Variants in AHNAK2 observed in about 807,000 individuals in gnomAD.
The protein encoded by AHNAK2 is protein AHNAK2.
In AHNAK2, 18 loss-of-function variants were observed where a neutral mutation model predicts 30.7. The observed-to-expected ratio is 0.59, with a 90% CI of 0.41 to 0.87. The LOEUF is 0.87. Among genes scored for constraint, AHNAK2 ranks in the 40% least tolerant of loss-of-function variants. AHNAK2 has a pLI of 0.00. For synonymous variants in AHNAK2, 3,590 were observed against 3,073.8 expected, an observed-to-expected ratio of 1.17 and a Z score of -5.56; for missense variants, 8,604 against 7,373.0, an observed-to-expected ratio of 1.17 and a Z score of -6.11.
In AHNAK2 at chr14:104,943,327, G is replaced by C; in HGVS notation, c.12124C>G (p.Pro4042Ala). Residue 4042 changes from proline to alanine, a missense_variant, in exon 7 of 7, where the codon CCC becomes GCC. By Grantham distance (27) the Pro-to-Ala change is conservative. Transcript: ENST00000333244. ...TGCCCTTTGAGGCTGGCTCCCTCGG[G>C]CACGGGGCCCTCTGGGAGTTTCACG... The part of the protein sequence containing the change: ...VDVKLPEGPV[P>A]EGASLKGHLP... 6.2e-7 allele frequency: 1 copy of C among 1,612,832 alleles called. No homozygotes were observed. The highest frequency in any genetic ancestry group is 8.5e-7 in the Non-Finnish European group (1 of 1,179,550).
At position 104,945,159 on chromosome 14, in the gene AHNAK2, T is replaced by G; in HGVS notation, c.10292A>C (p.Asp3431Ala). 6.2e-7 allele frequency: 1 copy of G among 1,613,000 alleles called. No individual in the cohort carries two copies. The highest frequency in any genetic ancestry group is 8.5e-7 in the Non-Finnish European group (1 of 1,179,644). ...KVPKAEVTVP[D>A]VEVSLPSVEV... is the part of the protein sequence containing the mutation. ...CACGCTGGGCAGAGACACCTCCACA[T>G]CAGGGACTGTCACTTCCGCCTTGGG... The change falls in exon 7 of 7, where the codon GAT (aspartate) becomes GCT (alanine). Residue 3431 changes from aspartate to alanine, a missense_variant. Physicochemically the swap from Asp to Ala is moderately radical, Grantham distance 126 (BLOSUM62 -2). Coordinates refer to ENST00000333244, the MANE Select transcript of AHNAK2 (RefSeq NM_138420.4).
chr14:104,950,538 G>C lies in AHNAK2; in HGVS notation c.4913C>G (p.Ala1638Gly), dbSNP rs185154010. The C allele has an allele frequency of 3.2e-6, 5 of 1,585,986 alleles. No homozygotes were observed. The highest frequency in any genetic ancestry group is 3.5e-5 in the Admixed American group (2 of 57,430). Residue 1638 changes from alanine (A) to glycine (G), a missense_variant, in exon 7 of 7, where the codon GCG becomes GGG. Physicochemically the swap from Ala to Gly is moderately conservative, Grantham distance 60. Coordinates refer to ENST00000333244, the MANE Select transcript of AHNAK2 (RefSeq NM_138420.4). ...CAGGGACAGGTCCCCCTCCAGCTGC[G>C]CACCATCCAGCTTTGCTCTCGGGGC... ...VQAPRAKLDG[A>G]QLEGDLSLAD... is the part of the protein sequence containing the mutation.
rs112380948 is a variant in AHNAK2, at chr14:104,959,391, T to C, written c.56-1719A>G. 9.7e-3 allele frequency among the ~76,000 whole-genome samples: 1,470 copies of C among 152,288 alleles called. 21 individuals carry two copies. Among genetic ancestry groups the C allele is most frequent in the African/African-American group, 0.033 (1,387 of 41,562 alleles). On this transcript the variant is annotated intron_variant, in intron 1 of 6. Transcript: ENST00000333244. Reference sequence around the variant, plus strand: ...TTCACCATGTCGGCCAGGCTGGTCTTGAACTCTTGACCTCGTGATCCGCCT... The same window carrying C: ...TTCACCATGTCGGCCAGGCTGGTCTCGAACTCTTGACCTCGTGATCCGCCT...
At chr14:104,965,191 AT>A (rs1354882583) in intron 1 of AHNAK2, among the ~76,000 whole-genome samples, 3 of 152,188 alleles carry the variant, frequency 2.0e-5, no homozygotes, top group African/African-American at 7.2e-5. Flanking sequence ...TAATCCAAGT[AT>A]TTTTGTAACG....
At position 104,944,514 on chromosome 14, in the gene AHNAK2, G is replaced by A. The variant is rs372014641; in HGVS notation, c.10937C>T (p.Pro3646Leu). The change falls in exon 7 of 7, where the codon CCG (proline) becomes CTG (leucine). Residue 3646 changes from proline (P) to leucine (L), a missense_variant. Coordinates refer to ENST00000333244, the MANE Select transcript of AHNAK2 (RefSeq NM_138420.4). The stretch of plus-strand genomic sequence containing the variant: ...CCCTGGGGCCGATACCCTGAATGAC[G>A]GCATCTTGAATTTGGGCATTTTGAA... ...SKFKMPKFKM[P>L]SFRVSAPGKS... 18 of 1,612,668 alleles carry A rather than the reference G, an allele frequency of 1.1e-5. No homozygotes were observed. The highest frequency in any genetic ancestry group is 2.2e-5 in the East Asian group (1 of 44,810).
rs374238837 is a variant in AHNAK2, at chr14:104,954,297, C to T, written c.1154G>A (p.Arg385Gln). Residue 385 changes from arginine (R) to glutamine (Q), a missense_variant, in exon 7 of 7, where the codon CGA (arginine) becomes CAA (glutamine). Physicochemically the swap from Arg to Gln is conservative, Grantham distance 43. Transcript: ENST00000333244. This position sits in a 1 kb window ranked among gnomAD's most constrained non-coding sequence, Gnocchi z 4.3. ...SRREERAEQD[R>Q]EVMPAQSMPL... ...CATGCTCTGAGCAGGCATCACTTCT[C>T]GATCCTGTTCTGCCCTCTCCTCTCT... 6.8e-6 allele frequency: 11 copies of T among 1,613,408 alleles called. No individual in the cohort carries two copies. In the African/African-American group the frequency reaches 9.3e-5, roughly 14 times the overall value.
chr14:104,954,081 C>A lies in AHNAK2; in HGVS notation c.1370G>T (p.Ser457Ile), dbSNP rs1188823658. ...SREGEGEGLQ[S>I]LEIGIARLSL... Reference sequence around the variant, plus strand: ...CAGTCTGGCGATCCCGATTTCCAGGCTCTGCAGTCCCTCGCCTTCACCCTC... The same window carrying A: ...CAGTCTGGCGATCCCGATTTCCAGGATCTGCAGTCCCTCGCCTTCACCCTC... The change falls in exon 7 of 7, where the codon AGC becomes ATC. Residue 457 changes from serine to isoleucine, a missense_variant. Transcript: ENST00000333244. The surrounding 1 kb of genome is among the most constrained non-coding windows in gnomAD (Gnocchi z 4.3). 1.2e-6 allele frequency: 2 copies of A among 1,613,104 alleles called. No individual in the cohort carries two copies. The highest frequency in any genetic ancestry group is 1.7e-6 in the Non-Finnish European group (2 of 1,179,834).
At chr14:104,961,749 G>T (rs2140875513) in intron 1 of AHNAK2, among the ~76,000 whole-genome samples, 1 of 152,336 alleles carries the variant, frequency 6.6e-6, no homozygotes, top group South Asian at 2.1e-4. Context: ...GAGGCAGGAG[G>T]AACACTTGAG....
rs778074544 is a variant in AHNAK2, at chr14:104,945,488, A to T, written c.9963T>A (p.Ser3321=). 6.2e-7 allele frequency: 1 copy of T among 1,613,054 alleles called. No individual in the cohort carries two copies. Among genetic ancestry groups the T allele is most frequent in the East Asian group, 2.2e-5 (1 of 44,772 alleles). The change falls in exon 7 of 7, where the codon TCT becomes TCA. Residue 3321 remains serine, a synonymous_variant. Coordinates refer to ENST00000333244, the MANE Select transcript of AHNAK2 (RefSeq NM_138420.4). ...PKFKMPSYRA[S]APGKSIQASV... is the part of the protein sequence containing the mutation. ...AGGCCTGGATGGACTTGCCTGGGGC[A>T]GACGCCCTGTACGACGGCATCTTGA...
In AHNAK2 at chr14:104,943,788, T is replaced by G; in HGVS notation, c.11663A>C (p.Lys3888Thr). ...CATCTTGAAACTGGGCATCTGCACC[T>G]TGGGCAGGTGTCCTTTGAGGCCGGC... ...EEAGLKGHLP[K>T]VQMPSFKMPK... The change falls in exon 7 of 7, where the codon AAG becomes ACG. Residue 3888 changes from lysine to threonine, a missense_variant. Coordinates refer to ENST00000333244, the MANE Select transcript of AHNAK2 (RefSeq NM_138420.4). 1 of 1,613,050 alleles carries G rather than the reference T, an allele frequency of 6.2e-7. No homozygotes were observed. The highest frequency in any genetic ancestry group is 8.5e-7 in the Non-Finnish European group (1 of 1,179,544).
chr14:104,951,032 T>C lies in AHNAK2; in HGVS notation c.4419A>G (p.Gly1473=), dbSNP rs556741020. 1,536 of 1,061,794 alleles carry C rather than the reference T, an allele frequency of 1.4e-3. 437 individuals carry two copies. The highest frequency in any genetic ancestry group is 6.7e-3 in the African/African-American group (464 of 68,772). 65.8% of individuals were successfully genotyped at this position (1,061,794 alleles called of 1,614,324 possible). A position where few individuals can be genotyped will look rare whatever the true frequency, so the allele number is the denominator to read the frequency against. The stretch of plus-strand genomic sequence containing the variant: ...CCAGGGACATGTCCTCCTCCAGCCG[T>C]CCACCATCCAGCTTGGCTCCTGGGG... ...VEAPGAKLDG[G]RLEEDMSLAD... Residue 1473 remains glycine, a synonymous_variant, in exon 7 of 7, where the codon GGA becomes GGG. Transcript: ENST00000333244.
At position 104,948,545 on chromosome 14, in the gene AHNAK2, C is replaced by A. The variant is rs776496529; in HGVS notation, c.6906G>T (p.Gly2302=). 3.3e-5 allele frequency: 53 copies of A among 1,611,144 alleles called. 1 individual carries two copies. The highest frequency in any genetic ancestry group is 2.7e-4 in the South Asian group (25 of 90,934). The change falls in exon 7 of 7, where the codon GGG becomes GGT. Residue 2302 remains glycine (G), a synonymous_variant. Transcript: ENST00000333244. ...GAKLDGARLE[G]DMSLADKDVT... is the part of the protein sequence containing the mutation. Reference sequence around the variant, plus strand: ...CGTCCTTGTCGGCCAGGGACATGTCCCCCTCCAGCCGCGCACCATCCAGCT... The same window carrying A: ...CGTCCTTGTCGGCCAGGGACATGTCACCCTCCAGCCGCGCACCATCCAGCT...
Position 104,945,427 on chromosome 14 carries a change from C to T in AHNAK2, c.10024G>A (p.Val3342Met), listed in dbSNP as rs200337942. ...DVSAPKAEAD[V>M]SLPSMQGDLK... ...TCCCCCTGCATGGAGGGGAGGCTCA[C>T]GTCGGCCTCCGCCTTCGGCGCAGAC... The change falls in exon 7 of 7, where the codon GTG becomes ATG. Residue 3342 changes from valine (V) to methionine (M), a missense_variant. Transcript: ENST00000333244. 154 of 1,612,940 alleles carry T rather than the reference C, an allele frequency of 9.5e-5. No homozygotes were observed. The highest frequency in any genetic ancestry group is 5.1e-4 in the African/African-American group (38 of 74,840).
rs1425818147 is a variant in AHNAK2 at position 104,947,535 on chromosome 14, T to G, written c.7916A>C (p.Lys2639Thr). Residue 2639 changes from lysine (K) to threonine (T), a missense_variant, in exon 7 of 7, where the codon AAG (lysine) becomes ACG (threonine). Physicochemically the swap from Lys to Thr is moderately conservative, Grantham distance 78. Coordinates refer to ENST00000333244, the MANE Select transcript of AHNAK2 (RefSeq NM_138420.4). ...RLEGDLSLAD[K>T]GVTAKDSKFK... is the part of the protein sequence containing the mutation. The stretch of plus-strand genomic sequence containing the variant: ...CTTGCTATCTTTGGCTGTCACACCC[T>G]TGTCGGCCAGGGACAGGTCCCCCTC... The G allele has an allele frequency of 6.2e-7, 1 of 1,612,498 alleles. No individual in the cohort carries two copies. Among genetic ancestry groups the G allele is most frequent in the South Asian group, 1.1e-5 (1 of 91,012 alleles).
chr14:104,942,866 G>C lies in AHNAK2; in HGVS notation c.12585C>G (p.Gly4195=). ...CCTCCGGGAGTTTCACGTCCACTTGGCCAGCCTGGACCTCCAGGTCGGCGG... is the reference window on the plus strand; with the variant it reads ...CCTCCGGGAGTTTCACGTCCACTTGCCCAGCCTGGACCTCCAGGTCGGCGG... ...SPSADLEVQA[G]QVDVKLPEGP... Residue 4195 remains glycine (G), a synonymous_variant, in exon 7 of 7, where the codon GGC becomes GGG. Coordinates refer to ENST00000333244, the MANE Select transcript of AHNAK2 (RefSeq NM_138420.4). 1 of 1,612,942 alleles carries C rather than the reference G, an allele frequency of 6.2e-7. No homozygotes were observed. The highest frequency in any genetic ancestry group is 1.1e-5 in the South Asian group (1 of 91,032).
intron 1 of AHNAK2, among the ~76,000 whole-genome samples, chr14:104,961,474 C>G (rs1389272853): frequency 6.7e-6 from 1 of 149,930 alleles, no homozygotes; most frequent in Admixed American, 6.6e-5. Context: ...GAGATCGCGT[C>G]ACTGCACTCC....
chr14:104,939,979 G>T lies in AHNAK2; in HGVS notation c.15472C>A (p.Pro5158Thr). Residue 5158 changes from proline (P) to threonine (T), a missense_variant, in exon 7 of 7, where the codon CCC becomes ACC. By Grantham distance (38) the Pro-to-Thr change is conservative (BLOSUM62 -1). Transcript: ENST00000333244. ...GGTTTTCTACAGGATGGCTGGAGGG[G>T]ATCTTCAGGTGTGGGGGCTATCCCC... ...GEGIAPTPED[P>T]LQPSCRKPDA... The T allele has an allele frequency of 6.2e-7, 1 of 1,612,088 alleles. No individual in the cohort carries two copies. Among genetic ancestry groups the T allele is most frequent in the Non-Finnish European group, 8.5e-7 (1 of 1,179,890 alleles).
chr14:104,957,730 C>A, intron 1 of AHNAK2, 58 bp from the exon 2 acceptor site: 2 of 1,543,508 alleles, frequency 1.3e-6, no homozygotes, highest in African/African-American at 1.4e-5. Flanking sequence ...GATCGGGGCC[C>A]GGGGGAGGGA....
In AHNAK2 at chr14:104,944,215, G is replaced by T; in HGVS notation, c.11236C>A (p.Pro3746Thr). The T allele has an allele frequency of 6.2e-7, 1 of 1,612,920 alleles. No homozygotes were observed. The highest frequency in any genetic ancestry group is 8.5e-7 in the Non-Finnish European group (1 of 1,179,524). ...LKGPQVDIKG[P>T]KLDLKVSKAE... ...TTGGAGACTTTTAGGTCCAGCTTGG[G>T]GCCCTTGATGTCCACCTGGGGGCCC... The change falls in exon 7 of 7, where the codon CCC becomes ACC. Residue 3746 changes from proline (P) to threonine (T), a missense_variant. Coordinates refer to ENST00000333244, the MANE Select transcript of AHNAK2 (RefSeq NM_138420.4).
Sources: gnomAD v4.1 joint callset for allele counts (sites outside exome capture counted in the v4.1 genomes callset) on GRCh38, gnomAD v4.1.1 for gene constraint, Gnocchi (gnomAD v3.1) non-coding constraint, MANE v1.5 for transcripts, NCBI Gene and HGNC (gene_info 2026-07-23, HGNC 2026-07-21) for gene names.